The following IMMP2L variants were observed in gnomAD, a reference collection of about 807,000 sequenced individuals.
IMMP2L encodes the protein mitochondrial inner membrane protease subunit 2.
In IMMP2L, 18 loss-of-function variants were observed where a neutral mutation model predicts 19.3. The observed-to-expected ratio is 0.93, with a 90% CI of 0.64 to 1.38. The LOEUF is 1.38. Among genes scored for constraint, IMMP2L ranks in the 40% most tolerant of loss-of-function variants. The pLI is 0.00. For missense variants in IMMP2L, 233 were observed against 218.2 expected, an observed-to-expected ratio of 1.07 and a Z score of -0.43; for synonymous variants, 76 against 73.0, an observed-to-expected ratio of 1.04 and a Z score of -0.21.
intron 3 of IMMP2L, among the ~76,000 whole-genome samples, chr7:111,450,436 C>G (rs1196508397): frequency 6.6e-6 from 1 of 151,952 alleles, no homozygotes; most frequent in South Asian, 2.1e-4. Context: ...TTTGACAAAC[C>G]TGACAAAAAC....
At chr7:111,556,163 G>A (rs1455549110) in intron 1 of IMMP2L, among the ~76,000 whole-genome samples, 1 of 151,052 alleles carries the variant, frequency 6.6e-6, no homozygotes, top group Non-Finnish European at 1.5e-5. Flanking sequence ...CAGGGGAGGG[G>A]GAAGGAAATT....
intron 3 of IMMP2L, chr7:111,122,661 C>T: frequency 1.2e-6 from 1 of 827,700 alleles, no homozygotes; most frequent in Non-Finnish European, 1.9e-6. Flanking sequence ...CTATGGCATT[C>T]ATCATTTGAC....
intron 3 of IMMP2L, among the ~76,000 whole-genome samples, chr7:111,003,779 T>C (rs1823987093): frequency 6.6e-6 from 1 of 151,928 alleles, no homozygotes; most frequent in South Asian, 2.1e-4. Context: ...CCCAAAGTGC[T>C]GGAATTACAG....
At chr7:110,941,894 G>A (rs2129553084) in intron 4 of IMMP2L, among the ~76,000 whole-genome samples, 1 of 150,812 alleles carries the variant, frequency 6.6e-6, no homozygotes, top group Admixed American at 7.1e-5. Context: ...ACAGAATTAT[G>A]GATGTACTGG....
At chr7:110,795,510 G>A (rs1216841304) in intron 5 of IMMP2L, among the ~76,000 whole-genome samples, 1 of 152,080 alleles carries the variant, frequency 6.6e-6, no homozygotes, top group Admixed American at 6.6e-5. Context: ...ATACTGTGCT[G>A]ACAGTGCTTT....
At chr7:110,794,196 C>G (rs1421842393) in intron 5 of IMMP2L, among the ~76,000 whole-genome samples, 1 of 152,090 alleles carries the variant, frequency 6.6e-6, no homozygotes, top group African/African-American at 2.4e-5. Context: ...AAAACCAGCA[C>G]ATAGATATTT....
At chr7:110,823,780 AT>A (rs1279366493) in intron 5 of IMMP2L, among the ~76,000 whole-genome samples, 2 of 152,130 alleles carry the variant, frequency 1.3e-5, no homozygotes, top group Non-Finnish European at 2.9e-5. Context: ...AATTCTGAAG[AT>A]TTTAAAGTTG....
At chr7:110,848,770 CT>C (rs1348025105) in intron 5 of IMMP2L, among the ~76,000 whole-genome samples, 1 of 152,056 alleles carries the variant, frequency 6.6e-6, no homozygotes, top group Non-Finnish European at 1.5e-5. Flanking sequence ...ATGTAGGAAA[CT>C]TATATGCAAA....
intron 5 of IMMP2L, among the ~76,000 whole-genome samples, chr7:110,721,555 AAAC>A (rs1333733013): frequency 1.3e-5 from 2 of 152,064 alleles, no homozygotes; most frequent in Admixed American, 1.3e-4. Context: ...AACAAACAAA[AAAC>A]AAAAAAACAC....
chr7:111,265,541 AT>A (rs1305099331), intron 3 of IMMP2L, among the ~76,000 whole-genome samples: 1 of 152,174 alleles, frequency 6.6e-6, no homozygotes, highest in African/African-American at 2.4e-5. Context: ...TCAGAAAAAA[AT>A]TTCATGGAAG....
intron 3 of IMMP2L, among the ~76,000 whole-genome samples, chr7:111,035,831 T>C (rs1791288228): frequency 6.6e-6 from 1 of 152,148 alleles, no homozygotes; most frequent in African/African-American, 2.4e-5. Context: ...AATGGAATCA[T>C]CTGATATGGA....
At chr7:111,290,862 A>G (rs534148190) in intron 3 of IMMP2L, among the ~76,000 whole-genome samples, 1 of 151,780 alleles carries the variant, frequency 6.6e-6, no homozygotes, top group South Asian at 2.1e-4. Context: ...ACACACATAT[A>G]TATATATCTA....
intron 3 of IMMP2L, among the ~76,000 whole-genome samples, chr7:111,049,577 T>TCCA (rs981237410): frequency 5.3e-5 from 8 of 152,184 alleles, no homozygotes; most frequent in Admixed American, 4.6e-4. Flanking sequence ...TTCCCTTTGA[T>TCCA]CCACCCCTTA....
At chr7:110,796,424 G>T (rs1800867282) in intron 5 of IMMP2L, among the ~76,000 whole-genome samples, 1 of 151,800 alleles carries the variant, frequency 6.6e-6, no homozygotes, top group Non-Finnish European at 1.5e-5. Context: ...AATTCAAAAT[G>T]GTATGTTATT....
At chr7:111,127,798 G>A (rs1192832713) in intron 3 of IMMP2L, among the ~76,000 whole-genome samples, 1 of 152,050 alleles carries the variant, frequency 6.6e-6, no homozygotes, top group African/African-American at 2.4e-5. Flanking sequence ...CTTGTATGGA[G>A]AAAAACACCT....
chr7:111,316,918 C>T (rs1223995068), intron 3 of IMMP2L, among the ~76,000 whole-genome samples: 2 of 134,566 alleles, frequency 1.5e-5, no homozygotes, highest in African/African-American at 5.6e-5. Flanking sequence ...GGCGAGATCT[C>T]GGCTCACTGC....
At chr7:111,163,710 C>A (rs1805515634) in intron 3 of IMMP2L, among the ~76,000 whole-genome samples, 1 of 152,038 alleles carries the variant, frequency 6.6e-6, no homozygotes, top group Admixed American at 6.6e-5. Flanking sequence ...GCAGCGCAGC[C>A]AGCTAGACTT....
chr7:110,868,371 C>T (rs1808209615), intron 5 of IMMP2L, among the ~76,000 whole-genome samples: 1 of 152,018 alleles, frequency 6.6e-6, no homozygotes, highest in Admixed American at 6.6e-5. Context: ...ATGAAGACAA[C>T]CCTTTGAGCT....
In IMMP2L at chr7:110,886,476, T is replaced by G; in HGVS notation, c.408+117A>C. On this transcript the variant is annotated intron_variant, in intron 5 of 5. Coordinates refer to ENST00000405709, the MANE Select transcript of IMMP2L (RefSeq NM_032549.4). ...AAGGAAATTTTCAAACATAAACTAT[T>G]CCAGTATAAATTTCATGATCAGTCT... is the stretch of plus-strand genomic sequence containing the variant. 1.3e-5 allele frequency: 8 copies of G among 635,714 alleles called. No individual in the cohort carries two copies. The South Asian group carries it at 1.6e-4, about 12-fold the overall frequency. The allele number at this position is 635,714 out of a possible 1,614,324, so 39.4% of individuals were successfully genotyped here. A position where few individuals can be genotyped will look rare whatever the true frequency, so the allele number is the denominator to read the frequency against.
Sources: allele counts gnomAD v4.1 joint callset (sites outside exome capture counted in the v4.1 genomes callset), GRCh38; gene constraint gnomAD v4.1.1; transcripts MANE v1.5; gene names NCBI Gene and HGNC (gene_info 2026-07-23, HGNC 2026-07-21).